VWA3B: variants seen among roughly 807,000 people sequenced by gnomAD.
VWA3B encodes von Willebrand factor A domain containing 3B.
A neutral mutation model predicts 158.3 loss-of-function variants in VWA3B; 138 were observed. The observed-to-expected ratio is 0.87, with a 90% CI of 0.76 to 1.00. The LOEUF (loss-of-function observed/expected upper bound fraction) is 1.00, where lower values mean the gene tolerates loss of function less well. Ranked by LOEUF, VWA3B falls within the 50% of genes least tolerant of loss-of-function variation. The probability of loss-of-function intolerance (pLI) is 0.00; values close to 1 mark genes in which losing one functional copy is unlikely to be tolerated. For synonymous variants in VWA3B, 596 were observed against 587.3 expected, an observed-to-expected ratio of 1.01 and a Z score of -0.21; for missense variants, 1,555 against 1,565.1, an observed-to-expected ratio of 0.99 and a Z score of 0.11.
chr2:98,163,120 G>A, intron 8 of VWA3B, 144 bp downstream of exon 8: 1 of 1,344,628 alleles, frequency 7.4e-7, no homozygotes, highest in Non-Finnish European at 1.0e-6. Flanking sequence ...GAGCTGTGTG[G>A]GGTGAGGGGT....
intron 11 of VWA3B, among the ~76,000 whole-genome samples, chr2:98,193,570 G>A (rs934815919): frequency 1.2e-4 from 18 of 152,188 alleles, no homozygotes; most frequent in African/African-American, 4.1e-4. Context: ...AAATAATAGC[G>A]GGGAGTGTTT....
chr2:98,289,168 C>T (rs898956344), intron 22 of VWA3B, among the ~76,000 whole-genome samples: 6 of 151,920 alleles, frequency 3.9e-5, no homozygotes, highest in Non-Finnish European at 5.9e-5. Flanking sequence ...TGTAAAATTA[C>T]GTTACTTGTT....
At position 98,230,159 on chromosome 2, in the gene VWA3B, T is replaced by C. The variant is rs1348876971; in HGVS notation, c.2260T>C (p.Trp754Arg). The change falls in exon 16 of 28, where the codon TGG becomes CGG. Residue 754 changes from tryptophan (W) to arginine (R), a missense_variant. Physicochemically the swap from Trp to Arg is moderately radical, Grantham distance 101 (BLOSUM62 -3). Coordinates refer to ENST00000477737, the MANE Select transcript of VWA3B (RefSeq NM_144992.5). ...TSSLNMLKGP[W>R]GLSDQKVQKK... ...ATCTCTGAATATGTTGAAGGGACCA[T>C]GGGGCCTTTCAGATCAAAAGGTTCA... The C allele has an allele frequency of 1.9e-6, 3 of 1,605,798 alleles. No homozygotes were observed. The highest frequency in any genetic ancestry group is 8.5e-7 in the Non-Finnish European group (1 of 1,177,966).
At chr2:98,162,458 G>A (rs1481367856) in intron 7 of VWA3B, among the ~76,000 whole-genome samples, 1 of 152,148 alleles carries the variant, frequency 6.6e-6, no homozygotes, top group East Asian at 1.9e-4. Context: ...GCTACATGGC[G>A]AAAGGATTAG....
At chr2:98,252,216 A>G (rs2105807836) in intron 20 of VWA3B, among the ~76,000 whole-genome samples, 1 of 152,194 alleles carries the variant, frequency 6.6e-6, no homozygotes, top group South Asian at 2.1e-4. Flanking sequence ...GCCCTCTAGG[A>G]TGTCAGCTCC....
At chr2:98,095,024 T>C (rs1334542279) in intron 2 of VWA3B, among the ~76,000 whole-genome samples, 1 of 152,234 alleles carries the variant, frequency 6.6e-6, no homozygotes, top group Admixed American at 6.5e-5. Flanking sequence ...TTGATTACTA[T>C]AGTTTTGTAG....
At chr2:98,223,845 C>G (rs1684700289) in intron 14 of VWA3B, among the ~76,000 whole-genome samples, 1 of 152,168 alleles carries the variant, frequency 6.6e-6, no homozygotes, top group Non-Finnish European at 1.5e-5. Context: ...ATTCTCCTGC[C>G]TCAGCCTTCC....
chr2:98,285,289 A>G (rs1689100048), intron 22 of VWA3B, among the ~76,000 whole-genome samples: 1 of 152,168 alleles, frequency 6.6e-6, no homozygotes, highest in African/African-American at 2.4e-5. Flanking sequence ...ACGGCTGGAT[A>G]ATATTCCATT....
intron 15 of VWA3B, chr2:98,228,968 T>C (rs968324298): frequency 5.9e-5 from 9 of 152,110 alleles, no homozygotes; most frequent in African/African-American, 1.9e-4. Context: ...CAAAGAATGA[T>C]AGAAAATTGG....
At chr2:98,229,866 C>T (rs550713985) in intron 15 of VWA3B, among the ~76,000 whole-genome samples, 184 bp from the exon 16 acceptor site, 2 of 152,296 alleles carry the variant, frequency 1.3e-5, no homozygotes, top group South Asian at 4.1e-4. Context: ...GGCTGGGCCC[C>T]TCTCCACTCT....
chr2:98,166,992 C>G (rs920142818), intron 8 of VWA3B, among the ~76,000 whole-genome samples: 1 of 152,182 alleles, frequency 6.6e-6, no homozygotes, highest in African/African-American at 2.4e-5. Flanking sequence ...CCGACCTGCT[C>G]TCATTCCCAC....
intron 9 of VWA3B, among the ~76,000 whole-genome samples, chr2:98,182,183 C>A (rs115180515): frequency 1.3e-4 from 19 of 151,562 alleles, no homozygotes; most frequent in Non-Finnish European, 1.5e-5. Flanking sequence ...AAAATCAAGG[C>A]CCCCCCCTCA....
At chr2:98,186,396 C>A (rs1681059690) in intron 9 of VWA3B, among the ~76,000 whole-genome samples, 2 of 152,048 alleles carry the variant, frequency 1.3e-5, no homozygotes, top group African/African-American at 4.8e-5. Context: ...AAATGTACCC[C>A]TCCAGCCCCG....
In VWA3B at chr2:98,189,264, A is replaced by G. The variant is rs374455385; in HGVS notation, c.1466+1135A>G. ...CTACTAAAGATTCAAAAAATTAGCT[A>G]GGCATGGTGGCGGGCACCTGTAGTC... On this transcript the variant is annotated intron_variant, in intron 10 of 27. Transcript: ENST00000477737. Among the ~76,000 whole-genome samples, 393 of 152,228 alleles carry G rather than the reference A, an allele frequency of 2.6e-3. 1 individual carries two copies. The highest frequency in any genetic ancestry group is 8.0e-3 in the African/African-American group (332 of 41,540).
At chr2:98,129,021 G>A (rs1289783986) in intron 6 of VWA3B, among the ~76,000 whole-genome samples, 2 of 152,214 alleles carry the variant, frequency 1.3e-5, no homozygotes, top group African/African-American at 4.8e-5. Context: ...GTCAGCTTGG[G>A]CTGCCATAAC....
intron 6 of VWA3B, 66 bp from the exon 7 acceptor site, chr2:98,133,758 A>G: frequency 7.2e-7 from 1 of 1,390,284 alleles, no homozygotes; most frequent in Non-Finnish European, 1.0e-6. Context: ...CAGTCCCAGG[A>G]GAAGGAACAA....
chr2:98,280,026 C>T (rs1023498918), intron 22 of VWA3B, among the ~76,000 whole-genome samples: 3 of 152,186 alleles, frequency 2.0e-5, no homozygotes, highest in Non-Finnish European at 4.4e-5. Context: ...GTGGTTCATA[C>T]GTCAAGGCAG....
At chr2:98,088,390 A>T (rs1028014901) in intron 1 of VWA3B, among the ~76,000 whole-genome samples, 1 of 152,126 alleles carries the variant, frequency 6.6e-6, no homozygotes, top group African/African-American at 2.4e-5. Context: ...ACTTCACAAG[A>T]CTGTCGCCCA....
chr2:98,170,872 T>C (rs915765711), intron 8 of VWA3B, among the ~76,000 whole-genome samples: 2 of 152,190 alleles, frequency 1.3e-5, no homozygotes, highest in African/African-American at 4.8e-5. Context: ...CCCAAAGTGC[T>C]GGGATTACAG....
Sources: allele counts gnomAD v4.1 joint callset (sites outside exome capture counted in the v4.1 genomes callset), GRCh38; gene constraint gnomAD v4.1.1; transcripts MANE v1.5; gene names NCBI Gene and HGNC (gene_info 2026-07-23, HGNC 2026-07-21).